Variants in GNAL observed in about 807,000 individuals in gnomAD.
GNAL encodes guanine nucleotide-binding protein G(olf) subunit alpha.
A neutral mutation model predicts 55.1 loss-of-function variants in GNAL; 18 were observed. That is an observed-to-expected ratio of 0.33 (90% CI 0.23 to 0.48). The LOEUF is 0.48. Among genes scored for constraint, GNAL ranks in the 20% least tolerant of loss-of-function variants. GNAL has a pLI of 0.99. For missense variants in GNAL, 412 were observed against 614.1 expected, an observed-to-expected ratio of 0.67 and a Z score of 3.48; for synonymous variants, 253 against 237.0, an observed-to-expected ratio of 1.07 and a Z score of -0.62.
chr18:11,756,187 C>T (rs1049730227), intron 4 of GNAL, among the ~76,000 whole-genome samples: 2 of 152,124 alleles, frequency 1.3e-5, no homozygotes, highest in African/African-American at 4.8e-5. Context: ...TAACTCCCAC[C>T]TATATTATCT....
chr18:11,860,077 A>G (rs571365340), intron 5 of GNAL, among the ~76,000 whole-genome samples: 1 of 152,198 alleles, frequency 6.6e-6, no homozygotes, highest in South Asian at 2.1e-4. Context: ...ACACCAGACA[A>G]TGCAGTCACA....
intron 4 of GNAL, among the ~76,000 whole-genome samples, chr18:11,802,564 T>TTC (rs1168301756): frequency 6.6e-6 from 1 of 152,202 alleles, no homozygotes; most frequent in African/African-American, 2.4e-5. Flanking sequence ...AGCTCTGGGA[T>TTC]TCTCTTCATC....
rs189729035 is a variant in GNAL at position 11,710,135 on chromosome 18, C to T, written c.376+20196C>T. 1.3e-4 allele frequency among the ~76,000 whole-genome samples: 20 copies of T among 152,246 alleles called. No individual in the cohort carries two copies. The East Asian group carries it at 2.9e-3, about 22-fold the overall frequency. ...ATTTACACGTGTTGAATCATCCTTGCGTTTCAGGGATAAATCCCACTTGGT... is the reference window on the plus strand; with the variant it reads ...ATTTACACGTGTTGAATCATCCTTGTGTTTCAGGGATAAATCCCACTTGGT... On this transcript the variant is annotated intron_variant, in intron 1 of 11. Coordinates refer to ENST00000334049, the MANE Select transcript of GNAL (RefSeq NM_182978.4).
intron 1 of GNAL, among the ~76,000 whole-genome samples, chr18:11,735,754 C>CAA (rs1185594144): frequency 1.2e-5 from 1 of 83,756 alleles, no homozygotes; most frequent in Non-Finnish European, 2.4e-5. Context: ...GAACCTGTCT[C>CAA]AAAAAAAAAA....
rs577404159 is a variant in GNAL at position 11,849,217 on chromosome 18, A to G, written c.723-13178A>G. On this transcript the variant is annotated intron_variant, in intron 5 of 11. Coordinates refer to ENST00000334049, the MANE Select transcript of GNAL (RefSeq NM_182978.4). ...GTCAGAATTTGTCATTAAGAAAACT[A>G]TGGGCTGGGCACGGTGGCCCACGCC... 2.6e-5 allele frequency among the ~76,000 whole-genome samples: 4 copies of G among 152,264 alleles called. No individual in the cohort carries two copies. The East Asian group carries it at 7.7e-4, about 29-fold the overall frequency.
chr18:11,689,902 G>A lies in GNAL; in HGVS notation c.339G>A (p.Lys113=). 6.8e-7 allele frequency: 1 copy of A among 1,469,368 alleles called. No homozygotes were observed. The allele number at this position is 1,469,368 out of a possible 1,614,324, so 91.0% of individuals were successfully genotyped here. Residue 113 remains lysine, a synonymous_variant, in exon 1 of 12, where the codon AAG becomes AAA. Transcript: ENST00000334049. ...RGIDRMLRDQ[K]RDLQQTHRLL... ...TCGACCGCATGCTGCGCGACCAGAAGCGCGACCTGCAGCAGACGCACCGGC... is the reference window on the plus strand; with the variant it reads ...TCGACCGCATGCTGCGCGACCAGAAACGCGACCTGCAGCAGACGCACCGGC...
chr18:11,719,953 C>G (rs967187327), intron 1 of GNAL, among the ~76,000 whole-genome samples: 10 of 152,244 alleles, frequency 6.6e-5, no homozygotes, highest in Non-Finnish European at 1.3e-4. Context: ...CACAGCATAC[C>G]TACTTGCTGT....
At chr18:11,846,464 T>TACAC (rs57334090) in intron 5 of GNAL, among the ~76,000 whole-genome samples, 2,881 of 140,068 alleles carry the variant, frequency 0.021, 65 homozygotes, top group African/African-American at 0.063. Flanking sequence ...TATATAAATA[T>TACAC]ACACACACAC....
intron 1 of GNAL, among the ~76,000 whole-genome samples, chr18:11,703,070 A>G (rs1364222951): frequency 1.3e-5 from 2 of 152,172 alleles, no homozygotes; most frequent in Non-Finnish European, 2.9e-5. Flanking sequence ...GTGAGCAGAG[A>G]TTGCGCCACT....
chr18:11,708,679 G>T (rs1232018973), intron 1 of GNAL, among the ~76,000 whole-genome samples: 3 of 152,162 alleles, frequency 2.0e-5, no homozygotes, highest in African/African-American at 7.2e-5. Flanking sequence ...GCAAAACACA[G>T]TAAGGTGAAA....
chr18:11,719,208 A>C (rs1462771382), intron 1 of GNAL, among the ~76,000 whole-genome samples: 1 of 151,822 alleles, frequency 6.6e-6, no homozygotes, highest in Non-Finnish European at 1.5e-5. Context: ...TCTATCATTA[A>C]AAAAAAATGT....
At chr18:11,876,109 A>G (rs2036525602) in intron 10 of GNAL, among the ~76,000 whole-genome samples, 1 of 152,246 alleles carries the variant, frequency 6.6e-6, no homozygotes, top group African/African-American at 2.4e-5. Flanking sequence ...AAAAACATTG[A>G]GACCATAGCA....
intron 4 of GNAL, among the ~76,000 whole-genome samples, chr18:11,768,780 G>C (rs1373535535): frequency 1.4e-5 from 2 of 147,244 alleles, no homozygotes; most frequent in Non-Finnish European, 3.0e-5. Flanking sequence ...TGTAGTCCCA[G>C]CTACTCGGGA....
chr18:11,884,648 T>A lies in GNAL; in HGVS notation c.*3513T>A. On this transcript the variant is annotated 3_prime_UTR_variant, in exon 12 of 12. Transcript: ENST00000334049. ...CTACCCTGGAAAGGAGAAGGGAAAGTTATGCTGAGAGCACCAGGCACACGT... is the reference window on the plus strand; with the variant it reads ...CTACCCTGGAAAGGAGAAGGGAAAGATATGCTGAGAGCACCAGGCACACGT... The A allele has an allele frequency of 6.2e-7, 1 of 1,609,996 alleles. No individual in the cohort carries two copies. The highest frequency in any genetic ancestry group is 8.5e-7 in the Non-Finnish European group (1 of 1,177,230).
rs967998602 is a variant in GNAL, at chr18:11,751,106, T to A, written c.377-1747T>A. 3.6e-4 allele frequency among the ~76,000 whole-genome samples: 54 copies of A among 152,004 alleles called. No individual in the cohort carries two copies. Among genetic ancestry groups the A allele is most frequent in the Admixed American group, 2.9e-3 (44 of 15,252 alleles). On this transcript the variant is annotated intron_variant, in intron 1 of 11. Coordinates refer to ENST00000334049, the MANE Select transcript of GNAL (RefSeq NM_182978.4). The surrounding 1 kb of genome is among the most constrained non-coding windows in gnomAD (Gnocchi z 4.5). ...GACGACAGAGCTGAGCAAAGGCAAG[T>A]TAGACAGCGCAGCGCCAAGCCCGAG...
chr18:11,699,529 T>C (rs533965584), intron 1 of GNAL, among the ~76,000 whole-genome samples: 1 of 151,678 alleles, frequency 6.6e-6, no homozygotes, highest in African/African-American at 2.4e-5. Context: ...CTAAATTTAT[T>C]AATACTTAGT....
chr18:11,835,300 T>C (rs918539501), intron 5 of GNAL, among the ~76,000 whole-genome samples: 1 of 152,022 alleles, frequency 6.6e-6, no homozygotes, highest in African/African-American at 2.4e-5. Context: ...GAGGAATGGA[T>C]ACATGGATAG....
chr18:11,880,437 C>T (rs609773), intron 11 of GNAL, among the ~76,000 whole-genome samples: 45,919 of 150,758 alleles, frequency 0.3, 7,233 homozygotes, highest in Admixed American at 0.38. Context: ...GGCGTGGGCA[C>T]GGTGATGGAC....
At chr18:11,699,179 T>C (rs547012551) in intron 1 of GNAL, among the ~76,000 whole-genome samples, 2 of 152,134 alleles carry the variant, frequency 1.3e-5, no homozygotes, top group African/African-American at 4.8e-5. Flanking sequence ...CATTTATCTA[T>C]TTATTTTTAA....
Sources: allele counts gnomAD v4.1 joint callset (sites outside exome capture counted in the v4.1 genomes callset), GRCh38; gene constraint gnomAD v4.1.1; non-coding constraint Gnocchi (gnomAD v3.1); transcripts MANE v1.5; gene names NCBI Gene and HGNC (gene_info 2026-07-23, HGNC 2026-07-21).